UTY: variants seen among roughly 807,000 people sequenced by gnomAD.
UTY encodes the protein ubiquitously transcribed tetratricopeptide repeat containing, Y-linked.
Under a neutral mutation model 32.5 loss-of-function variants are expected in UTY, and 12 were observed. The observed-to-expected ratio is 0.37, with a 90% CI of 0.24 to 0.60. UTY has a LOEUF of 0.60. Ranked by LOEUF, UTY falls within the 20% of genes least tolerant of loss-of-function variation. The pLI is 0.69. For synonymous variants in UTY, 131 were observed against 103.4 expected, an observed-to-expected ratio of 1.27 and a Z score of -1.62; for missense variants, 303 against 299.2, an observed-to-expected ratio of 1.01 and a Z score of -0.09.
At chrY:13,265,340 C>G in intron 27 of UTY, among the ~76,000 whole-genome samples, 2 of 33,695 alleles carry the variant, frequency 5.9e-5, no homozygotes, top group Non-Finnish European at 1.5e-4. Context: ...GGCAGTATGG[C>G]CATTTTCTCA....
intron 28 of UTY, among the ~76,000 whole-genome samples, chrY:13,235,784 AATT>A (rs375008215): frequency 1.2e-4 from 4 of 33,456 alleles, no homozygotes; most frequent in African/African-American, 4.7e-4. Context: ...AGAAAGAGAG[AATT>A]ATTATTATTT....
At chrY:13,241,154 A>C in intron 28 of UTY, among the ~76,000 whole-genome samples, 1 of 31,929 alleles carries the variant, frequency 3.1e-5, no homozygotes. Flanking sequence ...AAAACAAAAA[A>C]CCATAAAACC....
At chrY:13,462,184 C>A (rs956753002) in intron 3 of UTY, among the ~76,000 whole-genome samples, 3 of 32,773 alleles carry the variant, frequency 9.2e-5, no homozygotes, top group Non-Finnish European at 1.5e-4. Flanking sequence ...ATTACTGAAG[C>A]CTTCGTAGAA....
intron 3 of UTY, among the ~76,000 whole-genome samples, chrY:13,462,628 G>A (rs2077480110): frequency 3.1e-5 from 1 of 32,648 alleles, no homozygotes; most frequent in Non-Finnish European, 7.5e-5. Context: ...CCTTTTTATG[G>A]CTGAGTAATA....
intron 12 of UTY, 91 bp from the exon 13 acceptor site, chrY:13,359,313 A>T: frequency 3.4e-6 from 1 of 293,063 alleles, no homozygotes; most frequent in Non-Finnish European, 4.8e-6. Flanking sequence ...ATAGGTATTT[A>T]AAAAAAAATT....
chrY:13,299,506 G>GAGGCACGAGAATTACTTCAACCT (rs2058262763), intron 25 of UTY, among the ~76,000 whole-genome samples: 4 of 29,305 alleles, frequency 1.4e-4, no homozygotes, highest in African/African-American at 2.7e-4. Flanking sequence ...TCGTGAGGGT[G>GAGGCACGAGAATTACTTCAACCT]AGGCACGAGA....
At chrY:13,268,268 ATTAAG>A (rs2056011055) in intron 27 of UTY, among the ~76,000 whole-genome samples, 4 of 32,742 alleles carry the variant, frequency 1.2e-4, no homozygotes, top group African/African-American at 4.8e-4. Context: ...ATGTTATTTC[ATTAAG>A]TTGTTTTCAA....
At chrY:13,436,099 C>T in intron 4 of UTY, among the ~76,000 whole-genome samples, 1 of 32,910 alleles carries the variant, frequency 3.0e-5, no homozygotes, top group Non-Finnish European at 7.5e-5. Context: ...CCTGCTGAGC[C>T]GGAGGGAGCA....
chrY:13,384,437 C>T, intron 8 of UTY, among the ~76,000 whole-genome samples: 1 of 32,702 alleles, frequency 3.1e-5, no homozygotes, highest in Non-Finnish European at 7.5e-5. Context: ...CTGAGGTGGG[C>T]AGATGGCTTG....
intron 28 of UTY, among the ~76,000 whole-genome samples, chrY:13,252,179 C>CA (rs779026577): frequency 9.0e-3 from 32 of 3,574 alleles, no homozygotes; most frequent in Non-Finnish European, 6.9e-3. Context: ...GACTCCGTCT[C>CA]AAAAAAAAAA....
chrY:13,327,943 CT>C (rs1236161550), intron 18 of UTY, among the ~76,000 whole-genome samples: 55 of 33,906 alleles, frequency 1.6e-3, no homozygotes, highest in South Asian at 1.9e-3. Context: ...AAAAAAGAGA[CT>C]ATGCAGGGTG....
chrY:13,367,885 A>G, intron 9 of UTY, among the ~76,000 whole-genome samples: 1 of 32,874 alleles, frequency 3.0e-5, no homozygotes, highest in Non-Finnish European at 7.5e-5. Flanking sequence ...AAGATGTTCT[A>G]TAAATTTTAG....
At chrY:13,354,093 A>G in intron 17 of UTY, among the ~76,000 whole-genome samples, 1 of 34,126 alleles carries the variant, frequency 2.9e-5, no homozygotes, top group Non-Finnish European at 7.3e-5. Flanking sequence ...GGCATCCTAC[A>G]AAGAAATCTT....
chrY:13,448,248 C>A, intron 4 of UTY, among the ~76,000 whole-genome samples: 1 of 33,252 alleles, frequency 3.0e-5, no homozygotes, highest in Non-Finnish European at 7.5e-5. Flanking sequence ...GTTTATTGGC[C>A]ATTTGTAAAT....
intron 17 of UTY, among the ~76,000 whole-genome samples, chrY:13,343,870 G>A: frequency 6.0e-5 from 2 of 33,406 alleles, no homozygotes; most frequent in Admixed American, 2.7e-4. Context: ...TTCCCATGGA[G>A]CCATATGTAA....
intron 6 of UTY, among the ~76,000 whole-genome samples, chrY:13,410,683 C>G: frequency 3.0e-5 from 1 of 33,178 alleles, no homozygotes; most frequent in African/African-American, 1.2e-4. Context: ...GGCAGACACA[C>G]AAAATAATGT....
At position 13,251,051 on chromosome Y, in the gene UTY, T is replaced by A; in HGVS notation, c.4274A>T (p.Glu1425Val). The A allele has an allele frequency of 2.5e-6, 1 of 398,670 alleles. No individual in the cohort carries two copies. Among genetic ancestry groups the A allele is most frequent in the Non-Finnish European group, 3.5e-6 (1 of 283,390 alleles). The change falls in exon 29 of 30, where the codon GAG (glutamate) becomes GTG (valine). Residue 1425 changes from glutamate (E) to valine (V), a missense_variant. Transcript: ENST00000545955. The stretch of plus-strand genomic sequence containing the variant: ...TTGATCATAAACTTGGATTAGGTCC[T>A]CCATTTTGTACTGTTCGAGCACCAC... Reference protein sequence around the residue: ...NFVVLEQYKMEDLIQVYDQFT... With the variant: ...NFVVLEQYKMVDLIQVYDQFT...
At chrY:13,313,093 T>C (rs2059287818) in intron 21 of UTY, among the ~76,000 whole-genome samples, 1 of 33,327 alleles carries the variant, frequency 3.0e-5, no homozygotes, top group Non-Finnish European at 7.4e-5. Flanking sequence ...AAAATAGACA[T>C]GCACTCTTTT....
chrY:13,272,250 G>A (rs2056351483), intron 27 of UTY, among the ~76,000 whole-genome samples: 1 of 34,230 alleles, frequency 2.9e-5, no homozygotes, highest in Non-Finnish European at 7.3e-5. Flanking sequence ...TGGCATAAGT[G>A]CCACCTGAAA....
Sources: allele counts gnomAD v4.1 joint callset (sites outside exome capture counted in the v4.1 genomes callset), GRCh38; gene constraint gnomAD v4.1.1; transcripts MANE v1.5; gene names NCBI Gene and HGNC (gene_info 2026-07-23, HGNC 2026-07-21).